Variants in PDE4B observed in about 807,000 individuals in gnomAD.
The protein encoded by PDE4B is phosphodiesterase 4B.
In PDE4B, 20 loss-of-function variants were observed where a neutral mutation model predicts 82.2. The observed-to-expected ratio is 0.24, with a 90% CI of 0.17 to 0.35. The LOEUF (loss-of-function observed/expected upper bound fraction) is 0.35. PDE4B is among the 10% of genes least tolerant of loss of function. PDE4B has a pLI of 1.00. For missense variants in PDE4B, 655 were observed against 907.2 expected, an observed-to-expected ratio of 0.72 and a Z score of 3.57; for synonymous variants, 320 against 318.9, an observed-to-expected ratio of 1.00 and a Z score of -0.04.
intron 8 of PDE4B, among the ~76,000 whole-genome samples, chr1:66,338,661 G>A (rs1660705678): frequency 6.6e-6 from 1 of 152,196 alleles, no homozygotes; most frequent in East Asian, 1.9e-4. Context: ...TCTGTTCAAA[G>A]CACTGTAGAC....
At chr1:65,941,769 ATTCTC>A (rs536427058) in intron 3 of PDE4B, among the ~76,000 whole-genome samples, 4 of 152,212 alleles carry the variant, frequency 2.6e-5, no homozygotes, top group African/African-American at 9.6e-5. Context: ...CTTAAAATCT[ATTCTC>A]TTAGCAGTTT....
chr1:66,301,066 C>T (rs1247131001), intron 7 of PDE4B, among the ~76,000 whole-genome samples: 4 of 152,120 alleles, frequency 2.6e-5, no homozygotes, highest in African/African-American at 9.7e-5. Context: ...TGCGGTGTGG[C>T]TCTCTGAGAC....
At chr1:65,866,018 G>A (rs948789530) in intron 1 of PDE4B, among the ~76,000 whole-genome samples, 7 of 152,126 alleles carry the variant, frequency 4.6e-5, no homozygotes, top group African/African-American at 7.2e-5. Flanking sequence ...ATTTGGACTC[G>A]GACAGGTTAT....
intron 3 of PDE4B, among the ~76,000 whole-genome samples, chr1:66,228,204 A>C (rs982100761): frequency 6.6e-6 from 1 of 151,990 alleles, no homozygotes; most frequent in African/African-American, 2.4e-5. Flanking sequence ...TCCTGGCACT[A>C]TTTCCCTTCC....
At chr1:65,969,873 C>T (rs1650040504) in intron 3 of PDE4B, among the ~76,000 whole-genome samples, 2 of 151,910 alleles carry the variant, frequency 1.3e-5, no homozygotes, top group South Asian at 4.1e-4. Flanking sequence ...TGAGAGTGCT[C>T]TACTAGTGCT....
At chr1:66,227,063 G>A (rs1410461566) in intron 3 of PDE4B, among the ~76,000 whole-genome samples, 1 of 152,242 alleles carries the variant, frequency 6.6e-6, no homozygotes, top group Admixed American at 6.5e-5. Context: ...TTGAGCAACA[G>A]GCTAGACAAG....
At chr1:65,913,772 A>C (rs1202754876) in intron 2 of PDE4B, among the ~76,000 whole-genome samples, 1 of 152,138 alleles carries the variant, frequency 6.6e-6, no homozygotes, top group Non-Finnish European at 1.5e-5. Flanking sequence ...GAAGCTTGTG[A>C]TACACACATC....
intron 7 of PDE4B, among the ~76,000 whole-genome samples, chr1:66,303,064 C>A (rs1254857175): frequency 2.0e-5 from 3 of 152,132 alleles, no homozygotes; most frequent in Non-Finnish European, 4.4e-5. Flanking sequence ...AATATAGCTC[C>A]ATTTAGGCAC....
At chr1:66,206,137 C>T (rs1260352620) in intron 3 of PDE4B, among the ~76,000 whole-genome samples, 1 of 152,244 alleles carries the variant, frequency 6.6e-6, no homozygotes, top group Non-Finnish European at 1.5e-5. Context: ...CTGCTCCTCA[C>T]CATGGCCTGC....
intron 1 of PDE4B, among the ~76,000 whole-genome samples, chr1:65,805,649 A>G (rs1645747012): frequency 6.6e-6 from 1 of 152,040 alleles, no homozygotes; most frequent in African/African-American, 2.4e-5. Flanking sequence ...ATCTTCCAAT[A>G]TCTTCCTAAG....
At chr1:65,869,696 C>G (rs1057226805) in intron 1 of PDE4B, among the ~76,000 whole-genome samples, 2 of 151,974 alleles carry the variant, frequency 1.3e-5, no homozygotes, top group African/African-American at 4.8e-5. Flanking sequence ...AAATTCACCC[C>G]TTATAATCTG....
At chr1:66,076,415 A>G (rs1557543636) in intron 3 of PDE4B, among the ~76,000 whole-genome samples, 1 of 152,162 alleles carries the variant, frequency 6.6e-6, no homozygotes, top group Non-Finnish European at 1.5e-5. Context: ...TTTTCTTTAT[A>G]TAATCCAGAG....
chr1:66,085,042 G>C (rs114465167), intron 3 of PDE4B, among the ~76,000 whole-genome samples: 1 of 152,128 alleles, frequency 6.6e-6, no homozygotes, highest in African/African-American at 2.4e-5. Context: ...GATTAGTAAG[G>C]ATGGGGCTGG....
intron 3 of PDE4B, among the ~76,000 whole-genome samples, chr1:66,245,953 C>G (rs777156073): frequency 4.2e-4 from 64 of 152,274 alleles, no homozygotes; most frequent in Admixed American, 2.0e-3. Flanking sequence ...CGTTTTCATT[C>G]AAGAGAGCAG....
chr1:66,316,548 T>C (rs1315638164), intron 7 of PDE4B, among the ~76,000 whole-genome samples: 1 of 152,240 alleles, frequency 6.6e-6, no homozygotes, highest in East Asian at 1.9e-4. Context: ...ACATTTACAG[T>C]CCTGTCTGTA....
At chr1:65,942,334 A>G (rs541134313) in intron 3 of PDE4B, among the ~76,000 whole-genome samples, 1 of 151,952 alleles carries the variant, frequency 6.6e-6, no homozygotes, top group Non-Finnish European at 1.5e-5. Context: ...ATGTCCATCC[A>G]TGTTGTCACA....
intron 3 of PDE4B, among the ~76,000 whole-genome samples, chr1:65,954,529 G>C (rs748162901): frequency 4.0e-5 from 6 of 151,862 alleles, no homozygotes; most frequent in Non-Finnish European, 8.8e-5. Context: ...CATGATCTCA[G>C]AAAAAAATTA....
chr1:66,290,294 T>A (rs1257624357), intron 7 of PDE4B, among the ~76,000 whole-genome samples: 3 of 152,176 alleles, frequency 2.0e-5, no homozygotes, highest in African/African-American at 4.8e-5. Context: ...GATGTGGGTG[T>A]AAGTGGAGGT....
At chr1:66,290,675 A>C (rs1657006129) in intron 7 of PDE4B, among the ~76,000 whole-genome samples, 1 of 152,194 alleles carries the variant, frequency 6.6e-6, no homozygotes, top group South Asian at 2.1e-4. Flanking sequence ...TTCATGTGGA[A>C]GCAGGGATAA....
Sources: gnomAD v4.1 joint callset for allele counts (sites outside exome capture counted in the v4.1 genomes callset) on GRCh38, gnomAD v4.1.1 for gene constraint, MANE v1.5 for transcripts, NCBI Gene and HGNC (gene_info 2026-07-23, HGNC 2026-07-21) for gene names.